NAV2: variants seen among roughly 807,000 people sequenced by gnomAD.
NAV2 encodes the protein helicase, APC down-regulated 1.
In NAV2, 54 loss-of-function variants were observed where a neutral mutation model predicts 223.2. The observed-to-expected ratio is 0.24, with a 90% CI of 0.19 to 0.30. The LOEUF is 0.30. NAV2 is among the 10% of genes least tolerant of loss of function. NAV2 has a pLI of 1.00. For missense variants in NAV2, 2,806 were observed against 3,147.5 expected (o/e 0.89, Z 2.60); for synonymous variants, 1,279 against 1,239.3 (o/e 1.03, Z -0.67).
chr11:19,795,989 T>C (rs541485844), intron 1 of NAV2, among the ~76,000 whole-genome samples: 49 of 151,504 alleles, frequency 3.2e-4, no homozygotes, highest in Middle Eastern at 6.8e-3. Context: ...TGGATTCCCA[T>C]GGACTCAGGT....
At chr11:19,422,950 T>C (rs1289445320) in intron 1 of NAV2, among the ~76,000 whole-genome samples, 1 of 152,248 alleles carries the variant, frequency 6.6e-6, no homozygotes, top group African/African-American at 2.4e-5. Flanking sequence ...CTCTTGGCCA[T>C]TGTTGTAAAT....
At chr11:19,440,301 G>GGGT (rs1851354132) in intron 1 of NAV2, among the ~76,000 whole-genome samples, 1 of 152,142 alleles carries the variant, frequency 6.6e-6, no homozygotes, top group African/African-American at 2.4e-5. Context: ...GGTCTAGTGA[G>GGGT]GGTGGTGGTG....
chr11:19,876,750 C>T (rs1042727135), intron 4 of NAV2, among the ~76,000 whole-genome samples: 5 of 151,646 alleles, frequency 3.3e-5, no homozygotes, highest in Admixed American at 2.6e-4. Context: ...AGTGGATGAC[C>T]CCTGATCCTC....
At chr11:19,366,749 A>G (rs1848299233) in intron 1 of NAV2, among the ~76,000 whole-genome samples, 1 of 152,134 alleles carries the variant, frequency 6.6e-6, no homozygotes, top group African/African-American at 2.4e-5. Context: ...TCTGTTTAGG[A>G]GAGAGCACCA....
intron 11 of NAV2, 150 bp from the exon 12 acceptor site, chr11:20,035,809 A>G: frequency 1.3e-6 from 1 of 788,148 alleles, no homozygotes; most frequent in Admixed American, 2.7e-5. Context: ...TGATGTGGAG[A>G]TGAGTCACAT....
intron 1 of NAV2, among the ~76,000 whole-genome samples, chr11:19,818,403 G>C (rs780793243): frequency 7.2e-5 from 11 of 152,072 alleles, no homozygotes; most frequent in South Asian, 2.1e-4. Context: ...TCTGAGCTGG[G>C]AAGAGATGTA....
At chr11:19,515,162 T>A (rs1262489424) in intron 1 of NAV2, among the ~76,000 whole-genome samples, 1 of 152,184 alleles carries the variant, frequency 6.6e-6, no homozygotes, top group Admixed American at 6.5e-5. Flanking sequence ...ATTCTTAACC[T>A]CATATAGCCA....
At chr11:19,753,992 G>A (rs979984986) in intron 1 of NAV2, among the ~76,000 whole-genome samples, 1 of 152,192 alleles carries the variant, frequency 6.6e-6, no homozygotes, top group African/African-American at 2.4e-5. Flanking sequence ...AGGAAACCAC[G>A]TTACCAGCAT....
intron 1 of NAV2, among the ~76,000 whole-genome samples, chr11:19,700,843 G>T (rs569187911): frequency 1.3e-5 from 2 of 152,310 alleles, no homozygotes; most frequent in Non-Finnish European, 2.9e-5. Context: ...CACGAGAAAA[G>T]AATTTTGATT....
intron 1 of NAV2, among the ~76,000 whole-genome samples, chr11:19,692,284 C>T (rs2049199086): frequency 6.6e-6 from 1 of 152,244 alleles, no homozygotes; most frequent in African/African-American, 2.4e-5. Flanking sequence ...TGTGACTCAC[C>T]AGGCACTTCT....
chr11:20,069,955 C>T (rs926897480), intron 22 of NAV2, among the ~76,000 whole-genome samples: 2 of 152,028 alleles, frequency 1.3e-5, no homozygotes, highest in African/African-American at 2.4e-5. Flanking sequence ...GGTAGCTGCC[C>T]CCATTAATAT....
At chr11:19,700,766 G>C (rs935959724) in intron 1 of NAV2, among the ~76,000 whole-genome samples, 13 of 152,148 alleles carry the variant, frequency 8.5e-5, no homozygotes, top group African/African-American at 3.1e-4. Context: ...CATAGCACTT[G>C]CCTCACTTAG....
intron 1 of NAV2, among the ~76,000 whole-genome samples, chr11:19,715,100 C>T (rs1565195320): frequency 6.6e-6 from 1 of 152,202 alleles, no homozygotes. Context: ...TAGAGCTCAA[C>T]ACGTTCCTAG....
At position 19,700,340 on chromosome 11, in the gene NAV2, C is replaced by T. The variant is rs544662208; in HGVS notation, c.76-132144C>T. Reference sequence around the variant, plus strand: ...CACAGTTCGGACCCATGCAGTCACACGTATGCAATCAAATTCCAAAATCAT... The same window carrying T: ...CACAGTTCGGACCCATGCAGTCACATGTATGCAATCAAATTCCAAAATCAT... On this transcript the variant is annotated intron_variant, in intron 1 of 37. Coordinates refer to the NAV2 transcript ENST00000360655. Among the ~76,000 whole-genome samples the T allele has an allele frequency of 4.6e-5, 7 of 152,314 alleles. No individual in the cohort carries two copies. In the South Asian group the frequency reaches 6.2e-4, roughly 14 times the overall value.
chr11:20,096,946 G>T (rs1214574362), intron 30 of NAV2, among the ~76,000 whole-genome samples: 1 of 152,208 alleles, frequency 6.6e-6, no homozygotes, highest in Non-Finnish European at 1.5e-5. Flanking sequence ...TAGTAAGTGA[G>T]GAAATGAGAC....
At chr11:19,600,620 G>A (rs1024845229) in intron 1 of NAV2, among the ~76,000 whole-genome samples, 1 of 152,194 alleles carries the variant, frequency 6.6e-6, no homozygotes, top group Non-Finnish European at 1.5e-5. Flanking sequence ...CTGCTGGGTA[G>A]TTGTGTGATT....
chr11:19,869,681 G>T (rs1053292339), intron 4 of NAV2, among the ~76,000 whole-genome samples: 2 of 152,114 alleles, frequency 1.3e-5, no homozygotes, highest in Non-Finnish European at 2.9e-5. Context: ...CATAGGCCCA[G>T]GCATCCTCCC....
chr11:19,420,392 G>A (rs1850560283), intron 1 of NAV2, among the ~76,000 whole-genome samples: 1 of 152,184 alleles, frequency 6.6e-6, no homozygotes, highest in African/African-American at 2.4e-5. Context: ...ACCTAAACAT[G>A]TCTGTATACT....
intron 1 of NAV2, among the ~76,000 whole-genome samples, chr11:19,536,418 G>A (rs2044191144): frequency 6.6e-6 from 1 of 152,138 alleles, no homozygotes; most frequent in Non-Finnish European, 1.5e-5. Context: ...CCTTGCTACT[G>A]ATTGTGGTCC....
Sources: allele counts gnomAD v4.1 joint callset (sites outside exome capture counted in the v4.1 genomes callset), GRCh38; gene constraint gnomAD v4.1.1; transcripts MANE v1.5; gene names NCBI Gene and HGNC (gene_info 2026-07-23, HGNC 2026-07-21).